DLG5: variants seen among roughly 807,000 people sequenced by gnomAD.
DLG5 encodes the protein discs large MAGUK scaffold protein 5, also known as disks large homolog 5.
DLG5 carries 48 observed loss-of-function variants against 189.8 expected under a neutral mutation model. The ratio of observed to expected loss-of-function variants is 0.25; its 90% CI spans 0.20 to 0.32. DLG5 has a LOEUF of 0.32. Ranked by LOEUF, DLG5 falls within the 10% of genes least tolerant of loss-of-function variation. The pLI is 1.00. For missense variants in DLG5, 2,160 were observed against 2,544.7 expected (o/e 0.85, Z 3.25); for synonymous variants, 1,016 against 1,054.1 (o/e 0.96, Z 0.70).
chr10:77,898,951 T>C (rs1216764745), intron 1 of DLG5, among the ~76,000 whole-genome samples: 1 of 152,176 alleles, frequency 6.6e-6, no homozygotes, highest in Non-Finnish European at 1.5e-5. Context: ...ACAGCTGTTA[T>C]CAACTAGCCA....
At chr10:77,854,191 G>A (rs376542643) in intron 4 of DLG5, 36 bp downstream of exon 4, 2 of 1,609,440 alleles carry the variant, frequency 1.2e-6, no homozygotes, top group African/African-American at 2.7e-5. Flanking sequence ...GCTGTCTGTG[G>A]GTGTTGGAGG....
chr10:77,876,920 G>A (rs1008553096), intron 1 of DLG5, among the ~76,000 whole-genome samples: 1 of 150,644 alleles, frequency 6.6e-6, no homozygotes, highest in Admixed American at 6.6e-5. Context: ...TAGAGACAGG[G>A]TCTCTCTTTG....
intron 5 of DLG5, among the ~76,000 whole-genome samples, chr10:77,853,021 C>G (rs896858644): frequency 6.6e-6 from 1 of 152,098 alleles, no homozygotes. Flanking sequence ...CTCACTCCTT[C>G]GCCCAAGCTG....
At chr10:77,912,307 T>C (rs1846247624) in intron 1 of DLG5, 1 of 151,760 alleles carries the variant, frequency 6.6e-6, no homozygotes, top group African/African-American at 2.4e-5. Context: ...CAGGTTGGAG[T>C]GCAGTAGCTA....
intron 27 of DLG5, among the ~76,000 whole-genome samples, chr10:77,799,708 A>G (rs1410498207): frequency 6.6e-6 from 1 of 152,160 alleles, no homozygotes; most frequent in Admixed American, 6.5e-5. Flanking sequence ...TCCTGGGCTT[A>G]GGTGATCCTC....
chr10:77,859,718 T>A (rs1465297556), intron 2 of DLG5, among the ~76,000 whole-genome samples: 2 of 152,244 alleles, frequency 1.3e-5, no homozygotes, highest in Non-Finnish European at 2.9e-5. Flanking sequence ...TCTCAGAATG[T>A]GTCCCTGTCA....
chr10:77,816,945 C>A, intron 19 of DLG5, 62 bp downstream of exon 19: 9 of 1,561,602 alleles, frequency 5.8e-6, no homozygotes, highest in Non-Finnish European at 7.9e-6. Context: ...CCCAGAGACT[C>A]CACCATGAGG....
chr10:77,821,943 G>C lies in DLG5; in HGVS notation c.2541C>G (p.Phe847Leu). The change falls in exon 15 of 32, where the codon TTC becomes TTG. Residue 847 changes from phenylalanine to leucine, a missense_variant. Around this residue, in one of 5 missense-constraint regions of DLG5, gnomAD observed 754 missense variants for 746.5 expected, o/e 1.01. Transcript: ENST00000372391. The stretch of plus-strand genomic sequence containing the variant: ...TCCTGTCTTCCAGCCTGTCCGTGTA[G>C]AAGATGTCTGTCTGCGTGGAGTTAT... ...QHNNSTQTDI[F>L]YTDRLEDRKE... 1 of 1,614,276 alleles carries C rather than the reference G, an allele frequency of 6.2e-7. No individual in the cohort carries two copies. The highest frequency in any genetic ancestry group is 8.5e-7 in the Non-Finnish European group (1 of 1,180,052).
At chr10:77,840,264 G>C (rs1284862622) in intron 7 of DLG5, among the ~76,000 whole-genome samples, 3 of 152,046 alleles carry the variant, frequency 2.0e-5, no homozygotes, top group Non-Finnish European at 4.4e-5. Context: ...TATAGTCCCA[G>C]CTACTTGGGG....
At chr10:77,801,164 C>T (rs1250577457) in intron 27 of DLG5, among the ~76,000 whole-genome samples, 2 of 152,144 alleles carry the variant, frequency 1.3e-5, no homozygotes, top group Non-Finnish European at 2.9e-5. Flanking sequence ...TCAGGGATGA[C>T]CACACATGAC....
At position 77,792,395 on chromosome 10, in the gene DLG5, T is replaced by C. The variant is rs1568105068; in HGVS notation, c.*45A>G. 1.9e-6 allele frequency: 3 copies of C among 1,558,670 alleles called. No individual in the cohort carries two copies. Among genetic ancestry groups the C allele is most frequent in the Non-Finnish European group, 2.7e-6 (3 of 1,129,602 alleles). On this transcript the variant is annotated 3_prime_UTR_variant, in exon 32 of 32. Coordinates refer to ENST00000372391, the MANE Select transcript of DLG5 (RefSeq NM_004747.4). Reference sequence around the variant, plus strand: ...CGCTAGAAAAGAGCTGAGTCTGGTGTCCCCTCAGGCGGCCAGCTGCAGTCA... The same window carrying C: ...CGCTAGAAAAGAGCTGAGTCTGGTGCCCCCTCAGGCGGCCAGCTGCAGTCA...
rs777517878 is a variant in DLG5 at position 77,817,782 on chromosome 10, C to T, written c.3779G>A (p.Arg1260His). 8.4e-6 allele frequency: 13 copies of T among 1,553,052 alleles called. No homozygotes were observed. The highest frequency in any genetic ancestry group is 5.5e-5 in the African/African-American group (4 of 73,128). The change falls in exon 18 of 32, where the codon CGC becomes CAC. Residue 1260 changes from arginine to histidine, a missense_variant. Physicochemically the swap from Arg to His is conservative, Grantham distance 29 (BLOSUM62 0). This residue lies in a region of DLG5 where 754 missense variants were observed against 746.5 expected (regional missense o/e 1.01). Transcript: ENST00000372391. ...AGTCCAAGTGGTGCAGTTACCCAGG[C>T]GGGCGCTGGAGGGCAGTGAGTTGGA... ...HGSNSLPSSARLGSSSNLQFK... is the reference protein window; with the variant it reads ...HGSNSLPSSAHLGSSSNLQFK...
chr10:77,821,538 G>T lies in DLG5; in HGVS notation c.2946C>A (p.Pro982=). The T allele has an allele frequency of 6.2e-7, 1 of 1,612,868 alleles. No individual in the cohort carries two copies. Among genetic ancestry groups the T allele is most frequent in the South Asian group, 1.1e-5 (1 of 91,080 alleles). The change falls in exon 15 of 32, where the codon CCC becomes CCA. Residue 982 remains proline (P), a synonymous_variant. Coordinates refer to ENST00000372391, the MANE Select transcript of DLG5 (RefSeq NM_004747.4). Reference sequence around the variant, plus strand: ...GGTAGTCTATTTTGGGGGGTGTCTGGGGGCGTTTGAAAGTGTTAGGGTCAA... The same window carrying T: ...GGTAGTCTATTTTGGGGGGTGTCTGTGGGCGTTTGAAAGTGTTAGGGTCAA... ...SIFDPNTFKR[P]QTPPKIDYLL... is the part of the protein sequence containing the mutation.
At chr10:77,840,388 A>G (rs1318106806) in intron 7 of DLG5, among the ~76,000 whole-genome samples, 1 of 152,060 alleles carries the variant, frequency 6.6e-6, no homozygotes, top group Non-Finnish European at 1.5e-5. Flanking sequence ...AAAAAAATAA[A>G]AAATAAATTA....
intron 1 of DLG5, among the ~76,000 whole-genome samples, chr10:77,890,717 G>A (rs1050099384): frequency 1.1e-4 from 16 of 152,192 alleles, no homozygotes; most frequent in African/African-American, 3.9e-4. Flanking sequence ...TTTACACTTG[G>A]ATGTCTCAAG....
chr10:77,840,435 G>C (rs749810875), intron 7 of DLG5, among the ~76,000 whole-genome samples: 1 of 151,970 alleles, frequency 6.6e-6, no homozygotes, highest in Non-Finnish European at 1.5e-5. Flanking sequence ...AGGCACAGTG[G>C]CTCACCAGGC....
chr10:77,918,668 A>G, intron 1 of DLG5, among the ~76,000 whole-genome samples: 1 of 152,180 alleles, frequency 6.6e-6, no homozygotes, highest in East Asian at 1.9e-4. Flanking sequence ...TACACCGTTC[A>G]GAGGAATGCA....
At chr10:77,848,334 C>T (rs1044224388) in intron 5 of DLG5, among the ~76,000 whole-genome samples, 10 of 152,054 alleles carry the variant, frequency 6.6e-5, no homozygotes, top group African/African-American at 2.4e-4. Flanking sequence ...ATACCTGGGA[C>T]AAGAAAATCA....
chr10:77,812,411 G>C (rs1841823868), intron 20 of DLG5, 34 bp from the exon 21 acceptor site: 1 of 1,596,220 alleles, frequency 6.3e-7, no homozygotes, highest in Admixed American at 1.7e-5. Context: ...GGGACTCAGG[G>C]TCAAACAAAA....
Sources: gnomAD v4.1 joint callset for allele counts (sites outside exome capture counted in the v4.1 genomes callset) on GRCh38, gnomAD v4.1.1 for gene constraint, gnomAD v4.1.1 regional missense constraint, MANE v1.5 for transcripts, NCBI Gene and HGNC (gene_info 2026-07-23, HGNC 2026-07-21) for gene names.